RRAGB: variants seen among roughly 807,000 people sequenced by gnomAD.
RRAGB encodes ras-related GTP-binding protein B.
In RRAGB, 6 loss-of-function variants were observed where a neutral mutation model predicts 29.3. The ratio of observed to expected loss-of-function variants is 0.21; its 90% CI spans 0.11 to 0.40. The LOEUF (loss-of-function observed/expected upper bound fraction) is 0.40, where lower values mean the gene tolerates loss of function less well. Ranked by LOEUF, RRAGB falls within the 10% of genes least tolerant of loss-of-function variation. The pLI is 1.00. For synonymous variants in RRAGB, 101 were observed against 92.5 expected (o/e 1.09, Z -0.53); for missense variants, 184 against 272.9 (o/e 0.67, Z 2.29).
intron 3 of RRAGB, chrX:55,727,352 C>G (rs1470796071): frequency 2.1e-6 from 2 of 950,379 alleles, no homozygotes; most frequent in Non-Finnish European, 3.0e-6. Context: ...AGTTTGAGCA[C>G]CTACTCTCTC....
At chrX:55,722,343 A>AT in intron 3 of RRAGB, 58 bp downstream of exon 3, 2 of 796,716 alleles carry the variant, frequency 2.5e-6, no homozygotes, top group Non-Finnish European at 1.9e-6. Flanking sequence ...TAATCTGCAT[A>AT]ACACACTTGG....
chrX:55,755,453 T>C (rs1190551441), intron 7 of RRAGB: 5 of 745,423 alleles, frequency 6.7e-6, no homozygotes, highest in Non-Finnish European at 7.9e-6. Flanking sequence ...ATTAAACACA[T>C]GAAGTATACC....
At chrX:55,719,688 A>G (rs1365566591) in intron 2 of RRAGB, among the ~76,000 whole-genome samples, 1 of 112,123 alleles carries the variant, frequency 8.9e-6, no homozygotes, top group Non-Finnish European at 1.9e-5. Flanking sequence ...CTCCAGATTT[A>G]CAAATTAATT....
At chrX:55,749,445 G>A (rs1176802973) in intron 5 of RRAGB, among the ~76,000 whole-genome samples, 3 of 107,457 alleles carry the variant, frequency 2.8e-5, no homozygotes, top group Non-Finnish European at 3.9e-5. Context: ...CAGCTGCCCC[G>A]TCCGGGAGGT....
chrX:55,728,961 G>A (rs1005424365), intron 3 of RRAGB, among the ~76,000 whole-genome samples: 1 of 109,858 alleles, frequency 9.1e-6, no homozygotes, highest in African/African-American at 3.3e-5. Flanking sequence ...GGTTGGTGGG[G>A]GCAAGTGGGA....
chrX:55,719,361 G>C lies in RRAGB; in HGVS notation c.126+14G>C, dbSNP rs1209228582. On this transcript the variant is annotated intron_variant, in intron 2 of 9. Coordinates refer to ENST00000374941, the MANE Select transcript of RRAGB (RefSeq NM_006064.5). ...ATGAAGAAAAAGGTAAGACGTGTTA[G>C]ATACGTCAAAACCATGAAGGTAAAG... 8.6e-7 allele frequency: 1 copy of C among 1,158,234 alleles called. No homozygotes were observed. The highest frequency in any genetic ancestry group is 3.1e-5 in the East Asian group (1 of 31,886).
intron 7 of RRAGB, chrX:55,755,187 T>G: frequency 8.0e-6 from 6 of 753,881 alleles, no homozygotes; most frequent in Non-Finnish European, 9.4e-6. Context: ...TCATGGAATT[T>G]CCCTGTGAGT....
intron 5 of RRAGB, among the ~76,000 whole-genome samples, chrX:55,740,682 T>A (rs1380084386): frequency 1.8e-5 from 2 of 111,733 alleles, no homozygotes; most frequent in Non-Finnish European, 3.8e-5. Context: ...CGGTCGGGTG[T>A]TGTCATGGAG....
chrX:55,720,161 A>G (rs1338391099), intron 2 of RRAGB, among the ~76,000 whole-genome samples: 1 of 112,054 alleles, frequency 8.9e-6, no homozygotes, highest in African/African-American at 3.2e-5. Flanking sequence ...TTGCTAAGAG[A>G]ATGTTCTTGA....
intron 5 of RRAGB, among the ~76,000 whole-genome samples, chrX:55,733,407 T>C (rs1004610940): frequency 1.8e-5 from 2 of 112,283 alleles, no homozygotes; most frequent in African/African-American, 3.2e-5. Context: ...TTTAAACTTA[T>C]CTCCATTCAT....
At position 55,758,338 on chromosome X, in the gene RRAGB, C is replaced by T. The variant is rs370413478; in HGVS notation, c.1036C>T (p.Arg346Cys). ...TGGACCAAAGCAGTGTCTTCTCATGCGCTAAACATTGATGAATATTGTTTC... is the reference window on the plus strand; with the variant it reads ...TGGACCAAAGCAGTGTCTTCTCATGTGCTAAACATTGATGAATATTGTTTC... ...VDGPKQCLLM[R>C] Residue 346 changes from arginine (R) to cysteine (C), a missense_variant, in exon 10 of 10, where the codon CGC (arginine) becomes TGC (cysteine). Transcript: ENST00000374941. The T allele has an allele frequency of 9.1e-5, 106 of 1,164,166 alleles. No homozygotes were observed. The highest frequency in any genetic ancestry group is 1.1e-4 in the Non-Finnish European group (95 of 858,117).
At chrX:55,732,349 GA>G (rs2033713535) in intron 5 of RRAGB, among the ~76,000 whole-genome samples, 1 of 111,784 alleles carries the variant, frequency 8.9e-6, no homozygotes, top group South Asian at 3.7e-4. Context: ...AAGAGGATTG[GA>G]TTTTAAGGTC....
Position 55,740,400 on chromosome X carries a change from T to A in RRAGB, c.516+8814T>A, listed in dbSNP as rs867720058. Reference sequence around the variant, plus strand: ...CTAGGCTCAAACACATCTTTTGGAATGAAAATAGGAACCATTACAGTCAAC... The same window carrying A: ...CTAGGCTCAAACACATCTTTTGGAAAGAAAATAGGAACCATTACAGTCAAC... On this transcript the variant is annotated intron_variant, in intron 5 of 9. Transcript: ENST00000374941. Among the ~76,000 whole-genome samples the A allele has an allele frequency of 1.4e-3, 152 of 111,545 alleles. 2 individuals carry two copies. The highest frequency in any genetic ancestry group is 4.9e-3 in the African/African-American group (150 of 30,490).
intron 5 of RRAGB, 46 bp from the exon 6 acceptor site, chrX:55,751,055 T>C: frequency 1.4e-6 from 1 of 736,090 alleles, no homozygotes; most frequent in Non-Finnish European, 2.0e-6. Flanking sequence ...GCTTGAAAGA[T>C]GGGAACTATT....
chrX:55,750,184 A>ATG (rs141091954), intron 5 of RRAGB, among the ~76,000 whole-genome samples: 1,407 of 93,954 alleles, frequency 0.015, 26 homozygotes, highest in African/African-American at 0.046. Context: ...ATACATACGT[A>ATG]TGTGTGTGTG....
At chrX:55,754,680 T>G (rs2034613905) in intron 7 of RRAGB, among the ~76,000 whole-genome samples, 1 of 112,558 alleles carries the variant, frequency 8.9e-6, no homozygotes, top group East Asian at 2.8e-4. Flanking sequence ...TTGATTCCTT[T>G]TGCTACTATA....
rs2147132303 is a variant in RRAGB, at chrX:55,757,210, C to G, written c.828-6C>G. Reference sequence around the variant, plus strand: ...TCTTTAACCTCTCTTCTTCATTTTCCTATAGCAAGCTGGCTGCCTCTTTCC... The same window carrying G: ...TCTTTAACCTCTCTTCTTCATTTTCGTATAGCAAGCTGGCTGCCTCTTTCC... On this transcript the variant is annotated splice_region_variant and splice_polypyrimidine_tract_variant and intron_variant, in intron 8 of 9. Transcript: ENST00000374941. 1 of 1,094,022 alleles carries G rather than the reference C, an allele frequency of 9.1e-7. No homozygotes were observed. Among genetic ancestry groups the G allele is most frequent in the East Asian group, 3.0e-5 (1 of 33,059 alleles). The allele number at this position is 1,094,022 out of a possible 1,213,427, so 90.2% of individuals were successfully genotyped here.
intron 2 of RRAGB, 78 bp downstream of exon 2, chrX:55,719,425 C>T: frequency 2.7e-6 from 2 of 737,277 alleles, no homozygotes; most frequent in Non-Finnish European, 3.9e-6. Flanking sequence ...GACATATATA[C>T]ACCATCTTTT....
chrX:55,729,407 G>C (rs764727475), intron 4 of RRAGB, 47 bp downstream of exon 4: 4 of 817,355 alleles, frequency 4.9e-6, no homozygotes, highest in Admixed American at 2.3e-5. Flanking sequence ...GTCAGTAATC[G>C]TGGCATCTAG....
Sources: gnomAD v4.1 joint callset for allele counts (sites outside exome capture counted in the v4.1 genomes callset) on GRCh38, gnomAD v4.1.1 for gene constraint, MANE v1.5 for transcripts, NCBI Gene and HGNC (gene_info 2026-07-23, HGNC 2026-07-21) for gene names.